ST7L: variants seen among roughly 807,000 people sequenced by gnomAD.
ST7L encodes suppressor of tumorigenicity 7 protein-like.
ST7L carries 57 observed loss-of-function variants against 72.5 expected under a neutral mutation model. The ratio of observed to expected loss-of-function variants is 0.79; its 90% CI spans 0.64 to 0.98. ST7L has a LOEUF of 0.98. Ranked by LOEUF, ST7L falls within the 50% of genes least tolerant of loss-of-function variation. ST7L has a pLI of 0.00. For synonymous variants in ST7L, 221 were observed against 240.9 expected (o/e 0.92, Z 0.77); for missense variants, 576 against 672.2 (o/e 0.86, Z 1.58).
At chr1:112,589,578 T>G (rs555060818) in intron 6 of ST7L, among the ~76,000 whole-genome samples, 2 of 152,230 alleles carry the variant, frequency 1.3e-5, no homozygotes, top group Non-Finnish European at 1.5e-5. Context: ...CTGAACCAAT[T>G]TTATAAAATC....
chr1:112,582,149 G>T, intron 8 of ST7L, 43 bp from the exon 9 acceptor site: 1 of 1,399,824 alleles, frequency 7.1e-7, no homozygotes, highest in East Asian at 2.3e-5. Flanking sequence ...CATAACAAAG[G>T]AACTCAATAG....
At chr1:112,537,501 T>C (rs968839742) in intron 14 of ST7L, among the ~76,000 whole-genome samples, 10 of 152,248 alleles carry the variant, frequency 6.6e-5, no homozygotes, top group African/African-American at 2.2e-4. Context: ...GAGTAGAAGA[T>C]TGGTTCTCTA....
intron 14 of ST7L, chr1:112,530,282 T>A (rs1156588735): frequency 1.3e-5 from 2 of 152,230 alleles, no homozygotes; most frequent in African/African-American, 4.8e-5. Flanking sequence ...AATATTTGCA[T>A]GAGTAGTTTA....
chr1:112,568,887 T>TATATATATAAAA (rs1308318369), intron 11 of ST7L, among the ~76,000 whole-genome samples: 1 of 131,558 alleles, frequency 7.6e-6, no homozygotes, highest in Non-Finnish European at 1.6e-5. Context: ...TATATATATA[T>TATATATATAAAA]AAAACAAAAA....
chr1:112,576,600 C>T (rs966133298), intron 11 of ST7L, among the ~76,000 whole-genome samples: 1 of 152,096 alleles, frequency 6.6e-6, no homozygotes, highest in African/African-American at 2.4e-5. Flanking sequence ...TCTACCCAAC[C>T]CTAGTTCAAA....
At chr1:112,539,611 A>T in intron 14 of ST7L, 1 of 793,904 alleles carries the variant, frequency 1.3e-6, no homozygotes, top group Non-Finnish European at 1.5e-6. Context: ...AGCTGAGATC[A>T]CGCCATTGCA....
intron 1 of ST7L, 153 bp downstream of exon 1, chr1:112,618,756 G>T (rs1670359419): frequency 7.1e-7 from 1 of 1,418,202 alleles, no homozygotes; most frequent in Non-Finnish European, 9.3e-7. Flanking sequence ...CAACTGCAAG[G>T]TTGCAGCCCA....
chr1:112,615,627 T>C (rs1336383392), intron 2 of ST7L, among the ~76,000 whole-genome samples: 1 of 152,148 alleles, frequency 6.6e-6, no homozygotes, highest in Non-Finnish European at 1.5e-5. Context: ...TGTGCTATAA[T>C]GGTGCCTGTG....
rs114231544 is a variant in ST7L, at chr1:112,619,077, C to T, written c.37G>A (p.Val13Ile). 303 of 1,613,628 alleles carry T rather than the reference C, an allele frequency of 1.9e-4. 1 individual carries two copies. In the African/African-American group the frequency reaches 3.6e-3, roughly 19 times the overall value. ...DRGGVGEAAA[V>I]GASPASVPGL... ...GGGACAGATGCAGGAGACGCTCCAA[C>T]AGCTGCGGCTTCACCCACGCCGCCA... The change falls in exon 1 of 15, where the codon GTT (valine) becomes ATT (isoleucine). Residue 13 changes from valine to isoleucine, a missense_variant. Physicochemically the swap from Val to Ile is conservative, Grantham distance 29. Transcript: ENST00000358039.
At chr1:112,595,415 T>C (rs1012557063) in intron 5 of ST7L, among the ~76,000 whole-genome samples, 2 of 150,030 alleles carry the variant, frequency 1.3e-5, no homozygotes, top group African/African-American at 4.9e-5. Context: ...TGTTTACGTA[T>C]TGTTTTGCTT....
At chr1:112,523,512 A>G (rs374121066), downstream of ST7L, 4 of 152,152 alleles carry the variant, frequency 2.6e-5, no homozygotes, top group African/African-American at 7.2e-5. Context: ...AATAGACACT[A>G]ATTTATTTGG....
chr1:112,575,684 A>G (rs1039006594), intron 11 of ST7L, among the ~76,000 whole-genome samples: 3 of 152,182 alleles, frequency 2.0e-5, no homozygotes, highest in African/African-American at 7.2e-5. Flanking sequence ...ATGCAACTTA[A>G]AACTTATGAA....
intron 14 of ST7L, 182 bp from the exon 15 acceptor site, chr1:112,526,293 A>G (rs2101129446): frequency 1.6e-6 from 1 of 625,866 alleles, no homozygotes; most frequent in Non-Finnish European, 2.6e-6. Context: ...ACTATACAAC[A>G]TATTCCACAT....
At position 112,555,897 on chromosome 1, in the gene ST7L, A is replaced by C. The variant is rs1659032460; in HGVS notation, c.1367T>G (p.Leu456Arg). The change falls in exon 12 of 15, where the codon CTT becomes CGT. Residue 456 changes from leucine to arginine, a missense_variant. Leu to Arg is a moderately radical substitution (Grantham distance 102). Coordinates refer to ENST00000358039, the MANE Select transcript of ST7L (RefSeq NM_017744.5). ...LQHWKRIEGA[L>R]NLLQCTWEGT... is the part of the protein sequence containing the mutation. ...TTCCCATGTACACTGTAACAGATTA[A>C]GAGCACCTTCTATTCGTTTCCAGTG... is the stretch of plus-strand genomic sequence containing the variant. 2 of 1,607,658 alleles carry C rather than the reference A, an allele frequency of 1.2e-6. No homozygotes were observed. Among genetic ancestry groups the C allele is most frequent in the Non-Finnish European group, 1.7e-6 (2 of 1,176,520 alleles).
chr1:112,555,936 A>C lies in ST7L; in HGVS notation c.1328T>G (p.Phe443Cys), dbSNP rs1659041595. The change falls in exon 12 of 15, where the codon TTC becomes TGC. Residue 443 changes from phenylalanine (F) to cysteine (C), a missense_variant. This residue lies in a region of ST7L where 511 missense variants were observed against 600.7 expected (regional missense o/e 0.85). Transcript: ENST00000358039. Reference sequence around the variant, plus strand: ...TCGTTTCCAGTGCTGAAGATGAAAGAAAGCATAGGCAATTGCTTCACTATC... The same window carrying C: ...TCGTTTCCAGTGCTGAAGATGAAAGCAAGCATAGGCAATTGCTTCACTATC... ...RGDSEAIAYA[F>C]FHLQHWKRIE... 1 of 1,612,726 alleles carries C rather than the reference A, an allele frequency of 6.2e-7. No individual in the cohort carries two copies. The highest frequency in any genetic ancestry group is 1.3e-5 in the African/African-American group (1 of 75,048).
At chr1:112,574,924 T>C (rs906628108) in intron 11 of ST7L, among the ~76,000 whole-genome samples, 6 of 152,148 alleles carry the variant, frequency 3.9e-5, no homozygotes, top group African/African-American at 7.2e-5. Context: ...CTTTGCTGCA[T>C]GTGTAGTAGA....
chr1:112,534,629 A>G (rs1385956185), intron 14 of ST7L, among the ~76,000 whole-genome samples: 5 of 152,204 alleles, frequency 3.3e-5, no homozygotes, highest in Non-Finnish European at 2.9e-5. Flanking sequence ...ACTATTCCTC[A>G]ATATTATAAT....
intron 5 of ST7L, among the ~76,000 whole-genome samples, chr1:112,593,621 A>C (rs1666008826): frequency 6.6e-6 from 1 of 152,178 alleles, no homozygotes; most frequent in South Asian, 2.1e-4. Flanking sequence ...GTGTAAATTC[A>C]AGTTCAATTT....
intron 9 of ST7L, among the ~76,000 whole-genome samples, chr1:112,578,779 A>AAAAACAAAAC (rs927324157): frequency 6.6e-6 from 1 of 152,226 alleles, no homozygotes; most frequent in African/African-American, 2.4e-5. Flanking sequence ...CGTCTCCAAA[A>AAAAACAAAAC]AAAACAAAAC....
Sources: allele counts gnomAD v4.1 joint callset (sites outside exome capture counted in the v4.1 genomes callset), GRCh38; gene constraint gnomAD v4.1.1; regional missense constraint gnomAD v4.1.1; transcripts MANE v1.5; gene names NCBI Gene and HGNC (gene_info 2026-07-23, HGNC 2026-07-21).